BCL11B: variants seen among roughly 807,000 people sequenced by gnomAD.
BCL11B encodes BCL11 transcription factor B, also known as B-cell lymphoma/leukemia 11B.
Under a neutral mutation model 49.9 loss-of-function variants are expected in BCL11B, and 8 were observed. That is an observed-to-expected ratio of 0.16 (90% CI 0.09 to 0.29). The LOEUF (loss-of-function observed/expected upper bound fraction) is 0.29. BCL11B is among the 10% of genes least tolerant of loss of function. The pLI, the probability that BCL11B is intolerant of heterozygous loss-of-function variation, is 1.00. For synonymous variants in BCL11B, 739 were observed against 637.4 expected (o/e 1.16, Z -2.40); for missense variants, 1,006 against 1,351.0 (o/e 0.74, Z 4.00).
Position 99,175,850 on chromosome 14 carries a change from C to T in BCL11B, c.986G>A (p.Arg329His), listed in dbSNP as rs2139760751. 1 of 1,477,990 alleles carries T rather than the reference C, an allele frequency of 6.8e-7. No homozygotes were observed. The highest frequency in any genetic ancestry group is 1.4e-5 in the South Asian group (1 of 70,688). The allele number at this position is 1,477,990 out of a possible 1,614,324, so 91.6% of individuals were successfully genotyped here. A position where few individuals can be genotyped will look rare whatever the true frequency, so the allele number is the denominator to read the frequency against. The change falls in exon 4 of 4, where the codon CGC becomes CAC. Residue 329 changes from arginine (R) to histidine (H), a missense_variant. Arg to His is a conservative substitution (Grantham distance 29). This residue lies in a region of BCL11B where 411 missense variants were observed against 542.2 expected (regional missense o/e 0.76). Coordinates refer to ENST00000357195, the MANE Select transcript of BCL11B (RefSeq NM_138576.4). ...PPPRHHLDPHRLSAEEMGLVA... is the reference protein window; with the variant it reads ...PPPRHHLDPHHLSAEEMGLVA... Reference sequence around the variant, plus strand: ...GAGCCCCATCTCCTCGGCACTGAGGCGGTGCGGGTCCAGGTGGTGGCGCGG... The same window carrying T: ...GAGCCCCATCTCCTCGGCACTGAGGTGGTGCGGGTCCAGGTGGTGGCGCGG...
chr14:99,174,308 A>T lies in BCL11B; in HGVS notation c.2528T>A (p.Met843Lys). Residue 843 changes from methionine (M) to lysine (K), a missense_variant, in exon 4 of 4, where the codon ATG becomes AAG. This residue lies in a region of BCL11B where 24 missense variants were observed against 128.4 expected (regional missense o/e 0.19). Transcript: ENST00000357195. ...CTTGCCGATCTGCCCGTGCGTCTTC[A>T]TGTGGCGCGTGAGCTTGCTGCTCTG... ...CAQSSKLTRH[M>K]KTHGQIGKEV... 1 of 1,613,416 alleles carries T rather than the reference A, an allele frequency of 6.2e-7. No individual in the cohort carries two copies. Among genetic ancestry groups the T allele is most frequent in the Non-Finnish European group, 8.5e-7 (1 of 1,179,970 alleles).
chr14:99,263,581 G>A (rs928246011), intron 1 of BCL11B, among the ~76,000 whole-genome samples: 30 of 152,170 alleles, frequency 2.0e-4, no homozygotes, highest in Non-Finnish European at 3.5e-4. Context: ...GTTTGGGGAG[G>A]GTCTCCCTGT....
Position 99,265,112 on chromosome 14 carries a change from C to G in BCL11B, c.58+6049G>C, listed in dbSNP as rs546920761. On this transcript the variant is annotated intron_variant, in intron 1 of 3. Coordinates refer to ENST00000357195, the MANE Select transcript of BCL11B (RefSeq NM_138576.4). ...CAAATGGCCTGAGTCAAAAGAGTGC[C>G]GCAAAGTGACAAAGCATACTCACGG... Among the ~76,000 whole-genome samples the G allele has an allele frequency of 1.2e-3, 180 of 152,184 alleles. 7 individuals carry two copies. Among genetic ancestry groups the G allele is most frequent in the South Asian group, 3.5e-3 (17 of 4,812 alleles).
chr14:99,267,893 G>A (rs1197282134), intron 1 of BCL11B, among the ~76,000 whole-genome samples: 2 of 152,152 alleles, frequency 1.3e-5, no homozygotes, highest in South Asian at 2.1e-4. Context: ...GCAGTTTACC[G>A]TGGACATCTT....
chr14:99,199,683 T>TGTGTGTGTGCGC (rs759599743), intron 3 of BCL11B, among the ~76,000 whole-genome samples: 33 of 73,738 alleles, frequency 4.5e-4, no homozygotes, highest in South Asian at 1.4e-3. Context: ...TGTGTGTGTG[T>TGTGTGTGTGCGC]GCGCGCGCGC....
At chr14:99,189,147 C>G (rs955818791) in intron 3 of BCL11B, among the ~76,000 whole-genome samples, 4 of 152,258 alleles carry the variant, frequency 2.6e-5, no homozygotes, top group Admixed American at 6.5e-5. Context: ...ATATACAGCT[C>G]TATTTAATCA....
chr14:99,234,613 A>G (rs939181977), intron 2 of BCL11B, among the ~76,000 whole-genome samples: 1 of 152,014 alleles, frequency 6.6e-6, no homozygotes, highest in African/African-American at 2.4e-5. Context: ...CAGCTCCCTC[A>G]ACTTTAAAGG....
At chr14:99,245,624 C>G (rs897484747) in intron 2 of BCL11B, among the ~76,000 whole-genome samples, 1 of 152,204 alleles carries the variant, frequency 6.6e-6, no homozygotes, top group African/African-American at 2.4e-5. Flanking sequence ...GAAGAGGGAT[C>G]CCCGTGCGCC....
In BCL11B at chr14:99,170,185, A is replaced by G. The variant is rs1025316707; in HGVS notation, c.*3966T>C. ...CCTCAGTGGGGCATCCAAAGGCAAC[A>G]GCAGCCCCTGGATCTGCAGGTAGGA... is the stretch of plus-strand genomic sequence containing the variant. On this transcript the variant is annotated 3_prime_UTR_variant, in exon 4 of 4. Transcript: ENST00000357195. The G allele has an allele frequency of 4.5e-6, 1 of 223,254 alleles. No homozygotes were observed. Among genetic ancestry groups the G allele is most frequent in the Non-Finnish European group, 9.0e-6 (1 of 111,534 alleles). The allele number at this position is 223,254 out of a possible 1,614,324, so 13.8% of individuals were successfully genotyped here. A position where few individuals can be genotyped will look rare whatever the true frequency, so the allele number is the denominator to read the frequency against.
chr14:99,187,084 C>T (rs976251178), intron 3 of BCL11B, among the ~76,000 whole-genome samples: 8 of 152,288 alleles, frequency 5.3e-5, no homozygotes, highest in Admixed American at 2.6e-4. Context: ...TGCATGCACC[C>T]GAGATTTCCC....
Position 99,174,035 on chromosome 14 carries a change from G to C in BCL11B, c.*116C>G, listed in dbSNP as rs915362201. 57 of 1,079,260 alleles carry C rather than the reference G, an allele frequency of 5.3e-5. No homozygotes were observed. Among genetic ancestry groups the C allele is most frequent in the Non-Finnish European group, 7.0e-5 (53 of 755,760 alleles). The allele number at this position is 1,079,260 out of a possible 1,614,324, so 66.9% of individuals were successfully genotyped here. A position where few individuals can be genotyped will look rare whatever the true frequency, so the allele number is the denominator to read the frequency against. On this transcript the variant is annotated 3_prime_UTR_variant, in exon 4 of 4. Coordinates refer to ENST00000357195, the MANE Select transcript of BCL11B (RefSeq NM_138576.4). ...TTAGGTTGGAGTGCCGCCTCCCCTG[G>C]GCCCCGGGGACACGCGGGGTGCGGG...
chr14:99,255,193 A>T (rs1417259407), intron 2 of BCL11B, among the ~76,000 whole-genome samples: 2 of 152,196 alleles, frequency 1.3e-5, no homozygotes. Flanking sequence ...TCTTCAGCTG[A>T]CACAGCATGT....
chr14:99,185,650 G>A (rs748202107), intron 3 of BCL11B, among the ~76,000 whole-genome samples: 4 of 152,162 alleles, frequency 2.6e-5, no homozygotes, highest in South Asian at 2.1e-4. Flanking sequence ...AAATGCAACC[G>A]GAGAGGCAAA....
chr14:99,227,705 A>G (rs917376010), intron 3 of BCL11B, among the ~76,000 whole-genome samples: 1 of 152,210 alleles, frequency 6.6e-6, no homozygotes, highest in African/African-American at 2.4e-5. Flanking sequence ...GTATTTTTAC[A>G]GAAGGGGAAA....
intron 3 of BCL11B, among the ~76,000 whole-genome samples, chr14:99,203,973 GCCCCCAGGT>G (rs1349565626): frequency 4.2e-4 from 64 of 152,150 alleles, no homozygotes; most frequent in African/African-American, 1.5e-3. Context: ...GATGCCATCA[GCCCCCAGGT>G]CCCCCAGGCC....
chr14:99,257,323 G>A lies in BCL11B; in HGVS notation c.427+148C>T. ...CCTCCTGAAGGTCACCTGGATGGTG[G>A]ACCCTCAGAAAGGGGGAGCCCCGGC... On this transcript the variant is annotated intron_variant, in intron 2 of 3. Transcript: ENST00000357195. This position sits in a 1 kb window ranked among gnomAD's most constrained non-coding sequence, Gnocchi z 6.2. The A allele has an allele frequency of 9.1e-7, 1 of 1,093,470 alleles. No homozygotes were observed. Among genetic ancestry groups the A allele is most frequent in the Non-Finnish European group, 1.3e-6 (1 of 795,632 alleles). The allele number at this position is 1,093,470 out of a possible 1,614,324, so 67.7% of individuals were successfully genotyped here.
rs1305904233 is a variant in BCL11B at position 99,175,363 on chromosome 14, C to G, written c.1473G>C (p.Gly491=). 6.3e-7 allele frequency: 1 copy of G among 1,576,734 alleles called. No individual in the cohort carries two copies. Among genetic ancestry groups the G allele is most frequent in the South Asian group, 1.1e-5 (1 of 88,294 alleles). The part of the protein sequence containing the change: ...AGSLAGRSDD[G]LSAASSPEPG... Reference sequence around the variant, plus strand: ...GCTCGGGGGAGCTGGCGGCCGAGAGCCCGTCGTCGGAGCGGCCGGCCAGCG... The same window carrying G: ...GCTCGGGGGAGCTGGCGGCCGAGAGGCCGTCGTCGGAGCGGCCGGCCAGCG... The change falls in exon 4 of 4, where the codon GGG becomes GGC. Residue 491 remains glycine (G), a synonymous_variant. Coordinates refer to ENST00000357195, the MANE Select transcript of BCL11B (RefSeq NM_138576.4).
chr14:99,231,602 CTG>C lies in BCL11B; in HGVS notation c.428-47_428-46del. 6.6e-7 allele frequency: 1 copy of C among 1,511,328 alleles called. No individual in the cohort carries two copies. The highest frequency in any genetic ancestry group is 1.4e-5 in the African/African-American group (1 of 72,196). 93.6% of individuals were successfully genotyped at this position (1,511,328 alleles called of 1,614,324 possible). ...AAAGACTGGTCAGTCGGGCCCTGGA[CTG>C]TGTGAGGGGCACGGGGTGGGACGGG... On this transcript the variant is annotated intron_variant, in intron 2 of 3. Coordinates refer to ENST00000357195, the MANE Select transcript of BCL11B (RefSeq NM_138576.4). This position sits in a 1 kb window ranked among gnomAD's most constrained non-coding sequence, Gnocchi z 8.1.
intron 1 of BCL11B, among the ~76,000 whole-genome samples, chr14:99,261,092 G>A (rs1445719189): frequency 6.6e-6 from 1 of 152,188 alleles, no homozygotes; most frequent in African/African-American, 2.4e-5. Flanking sequence ...CCAGGCTGTG[G>A]CGCTGTGCCT....
Sources: allele counts gnomAD v4.1 joint callset (sites outside exome capture counted in the v4.1 genomes callset), GRCh38; gene constraint gnomAD v4.1.1; regional missense constraint gnomAD v4.1.1; non-coding constraint Gnocchi (gnomAD v3.1); transcripts MANE v1.5; gene names NCBI Gene and HGNC (gene_info 2026-07-23, HGNC 2026-07-21).